The following MACROD2 variants were observed in gnomAD, a reference collection of about 807,000 sequenced individuals.
The protein encoded by MACROD2 is mono-ADP ribosylhydrolase 2.
In MACROD2, 36 loss-of-function variants were observed where a neutral mutation model predicts 70.4. The ratio of observed to expected loss-of-function variants is 0.51; its 90% CI spans 0.39 to 0.68. The LOEUF is 0.68. Among genes scored for constraint, MACROD2 ranks in the 30% least tolerant of loss-of-function variants. MACROD2 has a pLI of 0.00. For synonymous variants in MACROD2, 172 were observed against 178.8 expected (o/e 0.96, Z 0.30); for missense variants, 496 against 538.4 (o/e 0.92, Z 0.78).
At chr20:15,048,770 T>A (rs969495251) in intron 5 of MACROD2, among the ~76,000 whole-genome samples, 2 of 152,160 alleles carry the variant, frequency 1.3e-5, no homozygotes, top group African/African-American at 4.8e-5. Flanking sequence ...GATAAATGTA[T>A]AAGAAAAATC....
intron 3 of MACROD2, among the ~76,000 whole-genome samples, chr20:14,349,284 G>C (rs1021902035): frequency 2.0e-5 from 3 of 148,078 alleles, no homozygotes; most frequent in Non-Finnish European, 1.5e-5. Context: ...GTACATACTA[G>C]GTATATATAT....
chr20:14,736,970 T>C (rs2071673323), intron 5 of MACROD2, among the ~76,000 whole-genome samples: 2 of 152,108 alleles, frequency 1.3e-5, no homozygotes, highest in Admixed American at 1.3e-4. Flanking sequence ...ATTTTTAAAA[T>C]ATACTTTAAG....
chr20:14,182,876 A>T (rs914224703), intron 3 of MACROD2, among the ~76,000 whole-genome samples: 1 of 151,682 alleles, frequency 6.6e-6, no homozygotes, highest in Non-Finnish European at 1.5e-5. Flanking sequence ...CCTTCTCATC[A>T]TTCACACTGC....
chr20:14,829,826 C>T (rs765202185), intron 5 of MACROD2, among the ~76,000 whole-genome samples: 3 of 152,094 alleles, frequency 2.0e-5, no homozygotes, highest in Non-Finnish European at 2.9e-5. Context: ...TAATTGTCTA[C>T]AGACAAAATA....
At chr20:15,067,027 C>T (rs1272566207) in intron 5 of MACROD2, among the ~76,000 whole-genome samples, 1 of 151,786 alleles carries the variant, frequency 6.6e-6, no homozygotes, top group Non-Finnish European at 1.5e-5. Context: ...AAAAAGTAAC[C>T]AGTTTGGCAG....
At chr20:16,032,408 T>C (rs1240609987) in intron 15 of MACROD2, among the ~76,000 whole-genome samples, 1 of 152,124 alleles carries the variant, frequency 6.6e-6, no homozygotes, top group Non-Finnish European at 1.5e-5. Context: ...AAACTTGACA[T>C]TAAAAAATTA....
chr20:14,687,115 G>GAACAAGCA (rs1465708607), intron 5 of MACROD2, among the ~76,000 whole-genome samples: 1 of 152,132 alleles, frequency 6.6e-6, no homozygotes, highest in Non-Finnish European at 1.5e-5. Flanking sequence ...ACTGCCCTGA[G>GAACAAGCA]AACAAGCAAG....
At chr20:14,341,223 A>G (rs180759321) in intron 3 of MACROD2, among the ~76,000 whole-genome samples, 1 of 152,368 alleles carries the variant, frequency 6.6e-6, no homozygotes, top group Admixed American at 6.5e-5. Context: ...ATCTCCAACT[A>G]TGAAGTTCTG....
intron 4 of MACROD2, among the ~76,000 whole-genome samples, chr20:14,592,797 T>C (rs1443084473): frequency 1.3e-5 from 2 of 152,230 alleles, no homozygotes; most frequent in Non-Finnish European, 2.9e-5. Flanking sequence ...TATTTCATTT[T>C]ATTTGTATTT....
rs1230840737 is a variant in MACROD2 at position 15,009,415 on chromosome 20, T to C, written c.419-220525T>C. Among the ~76,000 whole-genome samples, 3 of 152,316 alleles carry C rather than the reference T, an allele frequency of 2.0e-5. No individual in the cohort carries two copies. In the East Asian group the frequency reaches 5.8e-4, roughly 29 times the overall value. On this transcript the variant is annotated intron_variant, in intron 5 of 17. Transcript: ENST00000684519. ...CTTCTTGGGTGCCTTCTGGCCCCTCTAATCAACTTTTCACACTGTTGAGGA... is the reference window on the plus strand; with the variant it reads ...CTTCTTGGGTGCCTTCTGGCCCCTCCAATCAACTTTTCACACTGTTGAGGA...
At chr20:15,894,093 G>A (rs1464300449) in intron 10 of MACROD2, 1 of 370,588 alleles carries the variant, frequency 2.7e-6, no homozygotes, top group Non-Finnish European at 5.3e-6. Context: ...GTTCTCAACA[G>A]TGTGGTTGCT....
At chr20:14,664,894 A>G (rs112181815) in intron 4 of MACROD2, among the ~76,000 whole-genome samples, 26 of 152,196 alleles carry the variant, frequency 1.7e-4, no homozygotes, top group African/African-American at 6.0e-4. Context: ...CACCTGTTCT[A>G]TGTCACTCTG....
chr20:14,707,926 A>G (rs1834537430), intron 5 of MACROD2, among the ~76,000 whole-genome samples: 1 of 152,220 alleles, frequency 6.6e-6, no homozygotes, highest in African/African-American at 2.4e-5. Context: ...CTTTCCAGAT[A>G]CATAGAGGCA....
At chr20:15,081,750 T>TA (rs1348497114) in intron 5 of MACROD2, among the ~76,000 whole-genome samples, 2 of 152,110 alleles carry the variant, frequency 1.3e-5, no homozygotes, top group African/African-American at 4.8e-5. Flanking sequence ...TGCTATTTTT[T>TA]AAAAAATGGC....
intron 8 of MACROD2, among the ~76,000 whole-genome samples, chr20:15,811,668 A>C (rs905695109): frequency 6.6e-6 from 1 of 152,098 alleles, no homozygotes; most frequent in Non-Finnish European, 1.5e-5. Flanking sequence ...AAAGGCCCTC[A>C]ATAATTAAAT....
rs541116233 is a variant in MACROD2, at chr20:14,739,617, A to G, written c.418+54658A>G. On this transcript the variant is annotated intron_variant, in intron 5 of 17. Coordinates refer to ENST00000684519, the MANE Select transcript of MACROD2 (RefSeq NM_001351661.2). ...AAAAAAGTGGGATTTGTAGAAATGC[A>G]TGTTTTCAGGTTGAAGGGAGGAAAA... Among the ~76,000 whole-genome samples the G allele has an allele frequency of 7.3e-4, 111 of 152,178 alleles. 1 individual carries two copies. The highest frequency in any genetic ancestry group is 2.4e-3 in the African/African-American group (100 of 41,576).
chr20:15,608,624 T>C (rs957363817), intron 8 of MACROD2, among the ~76,000 whole-genome samples: 2 of 152,244 alleles, frequency 1.3e-5, no homozygotes, highest in African/African-American at 2.4e-5. Flanking sequence ...TGATTTGTTT[T>C]ACAGCCAGCT....
intron 7 of MACROD2, among the ~76,000 whole-genome samples, chr20:15,483,439 C>G (rs2047124601): frequency 6.6e-6 from 1 of 152,162 alleles, no homozygotes; most frequent in South Asian, 2.1e-4. Flanking sequence ...CAATACCACA[C>G]TGTCTTGATT....
At chr20:14,875,893 C>T (rs2073545218) in intron 5 of MACROD2, among the ~76,000 whole-genome samples, 1 of 151,986 alleles carries the variant, frequency 6.6e-6, no homozygotes. Context: ...CTATTGATGG[C>T]CACGTAGATG....
Sources: allele counts gnomAD v4.1 joint callset (sites outside exome capture counted in the v4.1 genomes callset), GRCh38; gene constraint gnomAD v4.1.1; transcripts MANE v1.5; gene names NCBI Gene and HGNC (gene_info 2026-07-23, HGNC 2026-07-21).